The following LRP1B variants were observed in gnomAD, a reference collection of about 807,000 sequenced individuals.
LRP1B encodes the protein LDL receptor related protein 1B, also known as low-density lipoprotein receptor-related protein 1B.
In LRP1B, 217 loss-of-function variants were observed where a neutral mutation model predicts 556.6. That is an observed-to-expected ratio of 0.39 (90% CI 0.35 to 0.44). The LOEUF (loss-of-function observed/expected upper bound fraction) is 0.44. LRP1B is among the 20% of genes least tolerant of loss of function. The pLI, the probability that LRP1B is intolerant of heterozygous loss-of-function variation, is 1.00. For synonymous variants in LRP1B, 2,047 were observed against 1,865.8 expected (o/e 1.10, Z -2.50); for missense variants, 5,053 against 5,620.8 (o/e 0.90, Z 3.23).
At chr2:141,916,849 A>G (rs1445019859) in intron 1 of LRP1B, among the ~76,000 whole-genome samples, 2 of 152,168 alleles carry the variant, frequency 1.3e-5, no homozygotes, top group African/African-American at 4.8e-5. Flanking sequence ...TGGGACATTC[A>G]TATCCCAAAC....
At chr2:140,304,350 T>A (rs935373991) in intron 83 of LRP1B, among the ~76,000 whole-genome samples, 5 of 152,188 alleles carry the variant, frequency 3.3e-5, no homozygotes, top group African/African-American at 1.2e-4. Context: ...TGATCACCAT[T>A]CTAACTAGTG....
chr2:141,257,014 A>T (rs1684490174), intron 3 of LRP1B, among the ~76,000 whole-genome samples: 1 of 152,098 alleles, frequency 6.6e-6, no homozygotes, highest in Non-Finnish European at 1.5e-5. Context: ...AAAATAATAA[A>T]GTACATAAGT....
rs2104935140 is a variant in LRP1B at position 140,769,361 on chromosome 2, A to G, written c.5627-17T>C. 1 of 1,586,918 alleles carries G rather than the reference A, an allele frequency of 6.3e-7. No homozygotes were observed. Among genetic ancestry groups the G allele is most frequent in the Non-Finnish European group, 8.6e-7 (1 of 1,167,554 alleles). Reference sequence around the variant, plus strand: ...ATTCTATACCTAAATGCAGGGCCGGAGATAAGGGGGGGAAGGGAAGCCCAG... The same window carrying G: ...ATTCTATACCTAAATGCAGGGCCGGGGATAAGGGGGGGAAGGGAAGCCCAG... On this transcript the variant is annotated splice_polypyrimidine_tract_variant and intron_variant, in intron 34 of 90. Transcript: ENST00000389484.
chr2:141,334,678 A>C (rs1223580286), intron 3 of LRP1B, among the ~76,000 whole-genome samples: 1 of 152,066 alleles, frequency 6.6e-6, no homozygotes, highest in East Asian at 1.9e-4. Flanking sequence ...CAGCCTCCCA[A>C]GTAGCTGGGA....
At chr2:141,337,995 G>A (rs1040926501) in intron 3 of LRP1B, among the ~76,000 whole-genome samples, 5 of 152,258 alleles carry the variant, frequency 3.3e-5, no homozygotes, top group Admixed American at 2.6e-4. Flanking sequence ...GTTCTATGGA[G>A]GATGCTGATA....
chr2:140,816,134 T>C (rs746814695), intron 31 of LRP1B, among the ~76,000 whole-genome samples: 14 of 152,136 alleles, frequency 9.2e-5, no homozygotes, highest in Non-Finnish European at 2.1e-4. Context: ...TTTTTCTTTT[T>C]TTCAGACAGA....
intron 1 of LRP1B, among the ~76,000 whole-genome samples, chr2:141,930,928 A>G (rs1476708841): frequency 6.6e-6 from 1 of 152,026 alleles, no homozygotes; most frequent in African/African-American, 2.4e-5. Flanking sequence ...GCCTATTATT[A>G]AAGGGGAAAC....
At chr2:141,224,420 G>C (rs1262805171) in intron 6 of LRP1B, among the ~76,000 whole-genome samples, 5 of 152,288 alleles carry the variant, frequency 3.3e-5, no homozygotes, top group African/African-American at 9.6e-5. Flanking sequence ...GAAAGACAGA[G>C]TGGCAATTCC....
At chr2:141,815,240 G>A (rs902647110) in intron 1 of LRP1B, among the ~76,000 whole-genome samples, 10 of 152,208 alleles carry the variant, frequency 6.6e-5, no homozygotes, top group Admixed American at 5.2e-4. Flanking sequence ...ATTTTTAGCT[G>A]GTAGGGAAGA....
chr2:141,001,304 C>G (rs573192342), intron 15 of LRP1B, among the ~76,000 whole-genome samples: 39 of 124,968 alleles, frequency 3.1e-4, no homozygotes, highest in African/African-American at 1.0e-3. Flanking sequence ...ATTGAATAAG[C>G]CTGTAAGCTG....
chr2:141,150,860 CAT>C (rs1433217075), intron 7 of LRP1B, among the ~76,000 whole-genome samples: 1 of 101,538 alleles, frequency 9.8e-6, no homozygotes, highest in African/African-American at 3.1e-5. Flanking sequence ...TTCATATTGT[CAT>C]GCTGGTTTGT....
chr2:141,139,477 A>G (rs1220570316), intron 7 of LRP1B, among the ~76,000 whole-genome samples: 1 of 151,778 alleles, frequency 6.6e-6, no homozygotes, highest in African/African-American at 2.4e-5. Context: ...TGTATACTAT[A>G]TATAAAGAAC....
intron 1 of LRP1B, among the ~76,000 whole-genome samples, chr2:141,929,985 A>G (rs1413134836): frequency 1.3e-5 from 2 of 150,688 alleles, no homozygotes; most frequent in Admixed American, 1.3e-4. Flanking sequence ...GACTTTCAAA[A>G]TGTCATGAGG....
chr2:141,142,174 G>A (rs1006777364), intron 7 of LRP1B, among the ~76,000 whole-genome samples: 4 of 152,008 alleles, frequency 2.6e-5, no homozygotes, highest in African/African-American at 4.8e-5. Flanking sequence ...CATTTGAGAC[G>A]TGAAAGAACC....
At chr2:141,375,675 G>T (rs1689402331) in intron 3 of LRP1B, among the ~76,000 whole-genome samples, 1 of 152,132 alleles carries the variant, frequency 6.6e-6, no homozygotes, top group African/African-American at 2.4e-5. Context: ...TGAGGGAAGG[G>T]AACAACCTAG....
chr2:141,696,565 C>A (rs1281243324), intron 2 of LRP1B, among the ~76,000 whole-genome samples: 2 of 151,926 alleles, frequency 1.3e-5, no homozygotes, highest in East Asian at 3.9e-4. Context: ...TAGAACAACT[C>A]TGAATACCAG....
At chr2:142,045,754 G>T (rs947400952) in intron 1 of LRP1B, among the ~76,000 whole-genome samples, 1 of 151,822 alleles carries the variant, frequency 6.6e-6, no homozygotes, top group Non-Finnish European at 1.5e-5. Context: ...TTTTGCAAAA[G>T]AGTTAACAGG....
At chr2:140,365,880 C>G (rs1682739041) in intron 71 of LRP1B, among the ~76,000 whole-genome samples, 1 of 151,724 alleles carries the variant, frequency 6.6e-6, no homozygotes, top group East Asian at 1.9e-4. Flanking sequence ...AGTGGTCATC[C>G]TTAAAAGCCT....
chr2:141,126,044 T>C (rs1701200938), intron 7 of LRP1B, among the ~76,000 whole-genome samples: 1 of 151,680 alleles, frequency 6.6e-6, no homozygotes, highest in Non-Finnish European at 1.5e-5. Context: ...TTTATTTTTT[T>C]TTTTTTGAGG....
Sources: gnomAD v4.1 joint callset for allele counts (sites outside exome capture counted in the v4.1 genomes callset) on GRCh38, gnomAD v4.1.1 for gene constraint, MANE v1.5 for transcripts, NCBI Gene and HGNC (gene_info 2026-07-23, HGNC 2026-07-21) for gene names.